Variants in RCE1 observed in about 807,000 individuals in gnomAD.
RCE1 encodes CAAX prenyl protease 2.
Under a neutral mutation model 35.0 loss-of-function variants are expected in RCE1, and 15 were observed. The observed-to-expected ratio is 0.43, with a 90% CI of 0.29 to 0.66. The LOEUF is 0.66. Among genes scored for constraint, RCE1 ranks in the 30% least tolerant of loss-of-function variants. RCE1 has a pLI of 0.17. For missense variants in RCE1, 434 were observed against 433.0 expected (o/e 1.00, Z -0.02); for synonymous variants, 261 against 192.7 (o/e 1.35, Z -2.94).
rs748257250 is a variant in RCE1 at position 66,843,870 on chromosome 11, G to A, written c.288+9G>A. The A allele has an allele frequency of 6.2e-6, 10 of 1,614,146 alleles. No individual in the cohort carries two copies. The highest frequency in any genetic ancestry group is 2.7e-5 in the African/African-American group (2 of 75,060). Reference sequence around the variant, plus strand: ...AACTCACAGGCATCCAGGTGCGAAGGAGGCGGGGCAAAGGGCAACGGCGGT... The same window carrying A: ...AACTCACAGGCATCCAGGTGCGAAGAAGGCGGGGCAAAGGGCAACGGCGGT... On this transcript the variant is annotated intron_variant, in intron 2 of 7. Transcript: ENST00000309657.
chr11:66,845,255 G>A lies in RCE1; in HGVS notation c.691+18G>A. The A allele has an allele frequency of 6.2e-7, 1 of 1,614,182 alleles. No homozygotes were observed. Among genetic ancestry groups the A allele is most frequent in the Non-Finnish European group, 8.5e-7 (1 of 1,180,022 alleles). On this transcript the variant is annotated intron_variant, in intron 6 of 7. Coordinates refer to ENST00000309657, the MANE Select transcript of RCE1 (RefSeq NM_005133.3). The stretch of plus-strand genomic sequence containing the variant: ...GTCTGCTGGTGAGTCCTGGCTAGCT[G>A]GCCTGGGTTAGGGTGTATGATGATG...
intron 6 of RCE1, 97 bp downstream of exon 6, chr11:66,845,334 A>C: frequency 1.0e-5 from 16 of 1,592,882 alleles, no homozygotes; most frequent in African/African-American, 1.3e-5. Flanking sequence ...ACAGTATTGG[A>C]GAGGCCACTG....
rs773817484 is a variant in RCE1, at chr11:66,845,614, A to G, written c.754+52A>G. 8 of 1,611,176 alleles carry G rather than the reference A, an allele frequency of 5.0e-6. No homozygotes were observed. In the South Asian group the frequency reaches 8.8e-5, roughly 18 times the overall value. On this transcript the variant is annotated intron_variant, in intron 7 of 7. Transcript: ENST00000309657. Reference sequence around the variant, plus strand: ...CTGGGGGCCCACAGGAGCGGGTGGGAGAATGGGAATACTGTTTGTTCTAGG... The same window carrying G: ...CTGGGGGCCCACAGGAGCGGGTGGGGGAATGGGAATACTGTTTGTTCTAGG...
intron 4 of RCE1, 31 bp downstream of exon 4, chr11:66,844,395 G>A (rs373083498): frequency 1.2e-6 from 2 of 1,613,540 alleles, no homozygotes; most frequent in Non-Finnish European, 1.7e-6. Flanking sequence ...GGAAAAGTAG[G>A]CACAGGCAGT....
chr11:66,844,447 T>G, intron 4 of RCE1, 83 bp downstream of exon 4: 1 of 1,526,522 alleles, frequency 6.6e-7, no homozygotes, highest in South Asian at 1.1e-5. Context: ...CAGGGTGTGA[T>G]CTGGACACGT....
rs1945209861 is a variant in RCE1 at position 66,846,327 on chromosome 11, G to A, written c.*232G>A. ...GCAGCTGTGAGTGAGGGGACAAGGG[G>A]CAGGTCCCAGGAGCCACACACTCCC... is the stretch of plus-strand genomic sequence containing the variant. On this transcript the variant is annotated 3_prime_UTR_variant, in exon 8 of 8. Transcript: ENST00000309657. 2 of 506,842 alleles carry A rather than the reference G, an allele frequency of 3.9e-6. No individual in the cohort carries two copies. The highest frequency in any genetic ancestry group is 2.0e-5 in the African/African-American group (1 of 51,178). 31.4% of individuals were successfully genotyped at this position (506,842 alleles called of 1,614,324 possible).
Position 66,846,535 on chromosome 11 carries a change from T to C in RCE1, c.*440T>C, listed in dbSNP as rs992959447. 6 of 158,960 alleles carry C rather than the reference T, an allele frequency of 3.8e-5. No individual in the cohort carries two copies. The highest frequency in any genetic ancestry group is 1.5e-4 in the African/African-American group (6 of 41,010). The allele number at this position is 158,960 out of a possible 1,614,324, so 9.8% of individuals were successfully genotyped here. The stretch of plus-strand genomic sequence containing the variant: ...AGATTTAACTTGGGTAACATGGCCT[T>C]GGGCCTTTGGGAATCGGTCTATTTG... On this transcript the variant is annotated 3_prime_UTR_variant, in exon 8 of 8. Coordinates refer to ENST00000309657, the MANE Select transcript of RCE1 (RefSeq NM_005133.3).
At position 66,846,124 on chromosome 11, in the gene RCE1, T is replaced by G; in HGVS notation, c.*29T>G. The G allele has an allele frequency of 1.3e-6, 2 of 1,554,644 alleles. No individual in the cohort carries two copies. The highest frequency in any genetic ancestry group is 1.7e-6 in the Non-Finnish European group (2 of 1,151,394). ...ATGCTCCTGGATACGCTATGAACTC[T>G]CACCGGCTCCCCAGCCCTCCCCACC... On this transcript the variant is annotated 3_prime_UTR_variant, in exon 8 of 8. Coordinates refer to ENST00000309657, the MANE Select transcript of RCE1 (RefSeq NM_005133.3).
rs1565202710 is a variant in RCE1, at chr11:66,845,849, C to T, written c.755-11C>T. Reference sequence around the variant, plus strand: ...AGGGCTGCTCCCTGAGCTGCTGTCTCTTTTCCCCAGGACACCTGATTGGGC... The same window carrying T: ...AGGGCTGCTCCCTGAGCTGCTGTCTTTTTTCCCCAGGACACCTGATTGGGC... On this transcript the variant is annotated splice_polypyrimidine_tract_variant and intron_variant, in intron 7 of 7. Transcript: ENST00000309657. 9 of 1,611,400 alleles carry T rather than the reference C, an allele frequency of 5.6e-6. No individual in the cohort carries two copies. The highest frequency in any genetic ancestry group is 2.2e-5 in the East Asian group (1 of 44,870).
chr11:66,845,842 G>C lies in RCE1; in HGVS notation c.755-18G>C, dbSNP rs556532261. Reference sequence around the variant, plus strand: ...AGGTGGTAGGGCTGCTCCCTGAGCTGCTGTCTCTTTTCCCCAGGACACCTG... The same window carrying C: ...AGGTGGTAGGGCTGCTCCCTGAGCTCCTGTCTCTTTTCCCCAGGACACCTG... On this transcript the variant is annotated intron_variant, in intron 7 of 7. Transcript: ENST00000309657. 110 of 1,609,540 alleles carry C rather than the reference G, an allele frequency of 6.8e-5. 1 individual carries two copies. The South Asian group carries it at 9.8e-4, about 14-fold the overall frequency.
At chr11:66,845,289 G>C in intron 6 of RCE1, 52 bp downstream of exon 6, 1 of 1,612,500 alleles carries the variant, frequency 6.2e-7, no homozygotes, top group Non-Finnish European at 8.5e-7. Flanking sequence ...TGTCGCTAAT[G>C]GCCACTCTGG....
rs1224423806 is a variant in RCE1, at chr11:66,843,523, C to T, written c.68C>T (p.Ser23Leu). ...TCGCGGCCGGAGCGGCCGCCCGAGT[C>T]GGCGGCGCTGGGCGGCCTGGGCCCC... ...SVSRPERPPE[S>L]AALGGLGPGL... The change falls in exon 1 of 8, where the codon TCG becomes TTG. Residue 23 changes from serine (S) to leucine (L), a missense_variant. Transcript: ENST00000309657. 1.1e-5 allele frequency: 16 copies of T among 1,506,484 alleles called. No homozygotes were observed. In the East Asian group the frequency reaches 3.7e-4, roughly 35 times the overall value. 93.3% of individuals were successfully genotyped at this position (1,506,484 alleles called of 1,614,324 possible). A position where few individuals can be genotyped will look rare whatever the true frequency, so the allele number is the denominator to read the frequency against.
At chr11:66,844,697 G>T in intron 4 of RCE1, 172 bp from the exon 5 acceptor site, 1 of 1,025,802 alleles carries the variant, frequency 9.7e-7, no homozygotes, top group Non-Finnish European at 1.4e-6. Context: ...TTCCATTCAG[G>T]TCATCTCAAG....
intron 7 of RCE1, 118 bp downstream of exon 7, chr11:66,845,680 C>T (rs1945197552): frequency 1.3e-6 from 2 of 1,527,304 alleles, no homozygotes; most frequent in Non-Finnish European, 1.8e-6. Context: ...ACAGGCTGAG[C>T]CAGAGCCCTC....
Position 66,846,080 on chromosome 11 carries a change from T to A in RCE1, c.975T>A (p.Ala325=). Residue 325 remains alanine (A), a synonymous_variant, in exon 8 of 8, where the codon GCT becomes GCA. Transcript: ENST00000309657. ...VLLERAGDSE[A]PLCS ...TGGAGCGGGCAGGGGACTCAGAGGC[T>A]CCCCTGTGCTCCTGACCTATGCTCC... 1 of 1,609,268 alleles carries A rather than the reference T, an allele frequency of 6.2e-7. No homozygotes were observed. Among genetic ancestry groups the A allele is most frequent in the Non-Finnish European group, 8.5e-7 (1 of 1,178,514 alleles).
Position 66,843,817 on chromosome 11 carries a change from T to C in RCE1, c.244T>C (p.Ser82Pro). 1 of 1,614,030 alleles carries C rather than the reference T, an allele frequency of 6.2e-7. No individual in the cohort carries two copies. Among genetic ancestry groups the C allele is most frequent in the Non-Finnish European group, 8.5e-7 (1 of 1,180,022 alleles). The change falls in exon 2 of 8, where the codon TCA becomes CCA. Residue 82 changes from serine to proline, a missense_variant. Physicochemically the swap from Ser to Pro is moderately conservative, Grantham distance 74. Coordinates refer to ENST00000309657, the MANE Select transcript of RCE1 (RefSeq NM_005133.3). Reference protein sequence around the residue: ...FTSVLVVSSLSPLCVLLWREL... With the variant: ...FTSVLVVSSLPPLCVLLWREL... ...CAGCGTCCTGGTGGTGTCCAGTCTC[T>C]CACCCCTGTGCGTGCTGCTCTGGAG...
In RCE1 at chr11:66,846,125, C is replaced by A; in HGVS notation, c.*30C>A. The A allele has an allele frequency of 2.6e-6, 4 of 1,553,522 alleles. No homozygotes were observed. Among genetic ancestry groups the A allele is most frequent in the South Asian group, 1.2e-5 (1 of 83,196 alleles). ...TGCTCCTGGATACGCTATGAACTCT[C>A]ACCGGCTCCCCAGCCCTCCCCACCA... On this transcript the variant is annotated 3_prime_UTR_variant, in exon 8 of 8. Coordinates refer to ENST00000309657, the MANE Select transcript of RCE1 (RefSeq NM_005133.3).
chr11:66,843,494 G>A lies in RCE1; in HGVS notation c.39G>A (p.Ser13=), dbSNP rs781127604. 2.0e-6 allele frequency: 3 copies of A among 1,482,126 alleles called. No individual in the cohort carries two copies. Among genetic ancestry groups the A allele is most frequent in the Middle Eastern group, 2.3e-4 (1 of 4,354 alleles). 91.8% of individuals were successfully genotyped at this position (1,482,126 alleles called of 1,614,324 possible). A position where few individuals can be genotyped will look rare whatever the true frequency, so the allele number is the denominator to read the frequency against. ...ALGGDGLRLL[S]VSRPERPPES... is the part of the protein sequence containing the mutation. ...GCGGGGATGGGCTGCGACTGCTGTC[G>A]GTGTCGCGGCCGGAGCGGCCGCCCG... Residue 13 remains serine (S), a synonymous_variant, in exon 1 of 8, where the codon TCG becomes TCA. Transcript: ENST00000309657.
Position 66,843,802 on chromosome 11 carries a change from G to C in RCE1, c.229G>C (p.Val77Leu). ...CAAGCGACGCTTCACCAGCGTCCTG[G>C]TGGTGTCCAGTCTCTCACCCCTGTG... Reference protein sequence around the residue: ...VIKRRFTSVLVVSSLSPLCVL... With the variant: ...VIKRRFTSVLLVSSLSPLCVL... Residue 77 changes from valine (V) to leucine (L), a missense_variant, in exon 2 of 8, where the codon GTG becomes CTG. Transcript: ENST00000309657. 1 of 1,614,072 alleles carries C rather than the reference G, an allele frequency of 6.2e-7. No individual in the cohort carries two copies. The highest frequency in any genetic ancestry group is 8.5e-7 in the Non-Finnish European group (1 of 1,180,034).
Sources: allele counts gnomAD v4.1 joint callset, GRCh38; gene constraint gnomAD v4.1.1; transcripts MANE v1.5; gene names NCBI Gene and HGNC (gene_info 2026-07-23, HGNC 2026-07-21).